IPO11: variants seen among roughly 807,000 people sequenced by gnomAD.
IPO11 encodes the protein importin 11, also known as importin-11.
IPO11 carries 66 observed loss-of-function variants against 143.2 expected under a neutral mutation model. That is an observed-to-expected ratio of 0.46 (90% CI 0.38 to 0.57). The LOEUF (loss-of-function observed/expected upper bound fraction) is 0.57, where lower values mean the gene tolerates loss of function less well. Among genes scored for constraint, IPO11 ranks in the 20% least tolerant of loss-of-function variants. The probability of loss-of-function intolerance (pLI) is 0.00; values close to 1 mark genes in which losing one functional copy is unlikely to be tolerated. For synonymous variants in IPO11, 385 were observed against 377.8 expected (o/e 1.02, Z -0.22); for missense variants, 1,026 against 1,141.0 (o/e 0.90, Z 1.45).
chr5:62,544,133 T>A (rs961519963), intron 24 of IPO11, among the ~76,000 whole-genome samples: 2 of 152,114 alleles, frequency 1.3e-5, no homozygotes, highest in African/African-American at 4.8e-5. Flanking sequence ...TACCAAAGCC[T>A]GGCAGAGACA....
At chr5:62,593,197 T>A (rs1374238665) in intron 28 of IPO11, among the ~76,000 whole-genome samples, 1 of 152,136 alleles carries the variant, frequency 6.6e-6, no homozygotes, top group Non-Finnish European at 1.5e-5. Context: ...AAAGGCACTA[T>A]ATGTTACAGT....
chr5:62,556,907 ATTGT>A lies in IPO11; in HGVS notation c.2461-4222_2461-4219del, dbSNP rs377004164. ...CAGATTCCTACTGTAATTGGTTTTG[ATTGT>A]TTGTTTTGTGGCTTTTTTGTAGCTT... On this transcript the variant is annotated intron_variant, in intron 26 of 29. Transcript: ENST00000325324. Among the ~76,000 whole-genome samples the A allele has an allele frequency of 8.1e-4, 123 of 151,010 alleles. 1 individual carries two copies. Among genetic ancestry groups the A allele is most frequent in the African/African-American group, 2.7e-3 (113 of 41,092 alleles).
chr5:62,579,312 T>G (rs2112400739), intron 27 of IPO11: 1 of 847,006 alleles, frequency 1.2e-6, no homozygotes, highest in East Asian at 2.7e-5. Context: ...TGATCCTAAT[T>G]AAAATAGAAT....
At chr5:62,573,614 A>T (rs1311483370) in intron 27 of IPO11, among the ~76,000 whole-genome samples, 5 of 152,180 alleles carry the variant, frequency 3.3e-5, no homozygotes, top group Admixed American at 1.3e-4. Flanking sequence ...AAAATAATGG[A>T]GATTAAATGG....
chr5:62,486,999 G>A (rs1311911807), intron 12 of IPO11, among the ~76,000 whole-genome samples: 1 of 151,894 alleles, frequency 6.6e-6, no homozygotes, highest in Non-Finnish European at 1.5e-5. Context: ...GAACGATCTA[G>A]TGATTAAATT....
intron 6 of IPO11, among the ~76,000 whole-genome samples, chr5:62,469,946 T>G (rs1745710719): frequency 6.6e-6 from 1 of 152,234 alleles, no homozygotes; most frequent in Non-Finnish European, 1.5e-5. Flanking sequence ...AATGACTTTC[T>G]CAATTTCAGT....
At chr5:62,459,338 G>T (rs1401195727) in intron 5 of IPO11, among the ~76,000 whole-genome samples, 2 of 151,644 alleles carry the variant, frequency 1.3e-5, no homozygotes, top group African/African-American at 4.8e-5. Flanking sequence ...AGGTCTTTAG[G>T]AATGTCCTTC....
At chr5:62,465,653 A>G (rs752723515) in intron 5 of IPO11, among the ~76,000 whole-genome samples, 1 of 152,248 alleles carries the variant, frequency 6.6e-6, no homozygotes, top group Non-Finnish European at 1.5e-5. Context: ...AATATTGCAT[A>G]TATACTTGAG....
rs114256697 is a variant in IPO11, at chr5:62,536,487, T to C, written c.2090-215T>C. On this transcript the variant is annotated intron_variant, in intron 22 of 29. Coordinates refer to ENST00000325324, the MANE Select transcript of IPO11 (RefSeq NM_016338.5). ...CAGGGTCTCACTCTTTTGCCCACCCTAGAGTGCAGTGGCGTGATCATTGGT... is the reference window on the plus strand; with the variant it reads ...CAGGGTCTCACTCTTTTGCCCACCCCAGAGTGCAGTGGCGTGATCATTGGT... Among the ~76,000 whole-genome samples the C allele has an allele frequency of 7.3e-3, 1,104 of 152,214 alleles. 14 individuals are homozygous for C. The highest frequency in any genetic ancestry group is 0.025 in the African/African-American group (1,039 of 41,554).
intron 20 of IPO11, among the ~76,000 whole-genome samples, chr5:62,523,383 T>C (rs1742264104): frequency 6.6e-6 from 1 of 152,190 alleles, no homozygotes; most frequent in Non-Finnish European, 1.5e-5. Flanking sequence ...TAGGGGGAAC[T>C]GGTCAGGAAG....
chr5:62,556,862 T>C (rs1218235619), intron 26 of IPO11, among the ~76,000 whole-genome samples: 1 of 152,198 alleles, frequency 6.6e-6, no homozygotes, highest in East Asian at 1.9e-4. Flanking sequence ...TCTCCTAGTC[T>C]TGGATACTCC....
chr5:62,506,784 T>A (rs902252363), intron 19 of IPO11, among the ~76,000 whole-genome samples: 26 of 152,318 alleles, frequency 1.7e-4, no homozygotes, highest in African/African-American at 6.3e-4. Context: ...TATAAAGCTC[T>A]TAACAGTTCA....
At chr5:62,591,864 A>G (rs1272518924) in intron 28 of IPO11, among the ~76,000 whole-genome samples, 192 bp downstream of exon 28, 2 of 152,186 alleles carry the variant, frequency 1.3e-5, no homozygotes, top group African/African-American at 4.8e-5. Context: ...TTATTTATTT[A>G]TTGAGACGGA....
At chr5:62,444,562 A>C (rs934198694) in intron 3 of IPO11, among the ~76,000 whole-genome samples, 1 of 152,116 alleles carries the variant, frequency 6.6e-6, no homozygotes, top group African/African-American at 2.4e-5. Flanking sequence ...TTTAGTGGTT[A>C]TATAAAGGAT....
At chr5:62,425,172 C>A (rs962436695) in intron 1 of IPO11, among the ~76,000 whole-genome samples, 4 of 152,182 alleles carry the variant, frequency 2.6e-5, no homozygotes, top group Non-Finnish European at 5.9e-5. Context: ...ATCCCTGTTA[C>A]ATTTCCAGAT....
chr5:62,590,039 G>C (rs1744954370), intron 27 of IPO11, among the ~76,000 whole-genome samples: 1 of 152,156 alleles, frequency 6.6e-6, no homozygotes. Context: ...TTCTGGGTTT[G>C]GTCAGTATAA....
At chr5:62,451,643 AG>A (rs1744929185) in intron 4 of IPO11, 86 bp from the exon 5 acceptor site, 1 of 982,160 alleles carries the variant, frequency 1.0e-6, no homozygotes, top group Admixed American at 2.1e-5. Flanking sequence ...ATTTTTGTCA[AG>A]TGTATAATTA....
chr5:62,487,905 G>T, intron 13 of IPO11, 44 bp downstream of exon 13: 5 of 1,515,036 alleles, frequency 3.3e-6, no homozygotes, highest in Non-Finnish European at 4.5e-6. Flanking sequence ...TCTCTTTAAC[G>T]TTTAGTTAAG....
At chr5:62,531,003 A>C (rs1182390648) in intron 22 of IPO11, among the ~76,000 whole-genome samples, 1 of 152,210 alleles carries the variant, frequency 6.6e-6, no homozygotes, top group African/African-American at 2.4e-5. Flanking sequence ...ATAGTACCTA[A>C]TAGTTTTTCA....
Sources: gnomAD v4.1 joint callset for allele counts (sites outside exome capture counted in the v4.1 genomes callset) on GRCh38, gnomAD v4.1.1 for gene constraint, MANE v1.5 for transcripts, NCBI Gene and HGNC (gene_info 2026-07-23, HGNC 2026-07-21) for gene names.